SPOP: variants seen among roughly 807,000 people sequenced by gnomAD.
SPOP encodes speckle-type POZ protein.
A neutral mutation model predicts 45.6 loss-of-function variants in SPOP; 11 were observed. The observed-to-expected ratio is 0.24, with a 90% CI of 0.15 to 0.40. The LOEUF (loss-of-function observed/expected upper bound fraction) is 0.40, where lower values mean the gene tolerates loss of function less well. Among genes scored for constraint, SPOP ranks in the 10% least tolerant of loss-of-function variants. The pLI is 1.00. For synonymous variants in SPOP, 166 were observed against 166.3 expected (o/e 1.00, Z 0.01); for missense variants, 152 against 465.6 (o/e 0.33, Z 6.20).
rs560993654 is a variant in SPOP at position 49,653,348 on chromosome 17, A to AT, written c.-67+24584dup. ...CCCTCTCTAAAGCCTTTAGAGAGGG[A>AT]TTTTTTATATCCTCAAAACAAACAA... is the stretch of plus-strand genomic sequence containing the variant. On this transcript the variant is annotated intron_variant, in intron 1 of 9. Transcript: ENST00000504102. Among the ~76,000 whole-genome samples, 333 of 152,056 alleles carry AT rather than the reference A, an allele frequency of 2.2e-3. 2 individuals are homozygous for AT. Among genetic ancestry groups the AT allele is most frequent in the Middle Eastern group, 0.01 (3 of 294 alleles).
chr17:49,659,395 G>C (rs968669217), intron 1 of SPOP, among the ~76,000 whole-genome samples: 1 of 152,140 alleles, frequency 6.6e-6, no homozygotes, highest in Non-Finnish European at 1.5e-5. Context: ...CGACAGCTTC[G>C]TATCTGCTAA....
chr17:49,627,402 G>C (rs1001353209), intron 1 of SPOP, among the ~76,000 whole-genome samples: 6 of 152,166 alleles, frequency 3.9e-5, no homozygotes, highest in Admixed American at 3.3e-4. Context: ...GTATAAATGA[G>C]CTAGTTTTAC....
intron 1 of SPOP, among the ~76,000 whole-genome samples, chr17:49,667,555 T>C (rs745593175): frequency 3.3e-5 from 5 of 152,058 alleles, no homozygotes; most frequent in Admixed American, 6.6e-5. Flanking sequence ...CACCACTGCC[T>C]ACCAGCCTAG....
chr17:49,621,908 T>G (rs372376933), intron 3 of SPOP, 38 bp downstream of exon 3: 10 of 1,606,052 alleles, frequency 6.2e-6, no homozygotes, highest in Non-Finnish European at 6.0e-6. Flanking sequence ...ACAGACAACT[T>G]CAGAAAAATT....
chr17:49,600,371 C>T lies in SPOP; in HGVS notation c.*7G>A. ...AAATTAAACGGAGTCTTACAACAAGCAGGATCTTAGGATTGCTTCAGGCGT... is the reference window on the plus strand; with the variant it reads ...AAATTAAACGGAGTCTTACAACAAGTAGGATCTTAGGATTGCTTCAGGCGT... On this transcript the variant is annotated 3_prime_UTR_variant, in exon 10 of 10. Coordinates refer to ENST00000504102, the MANE Select transcript of SPOP (RefSeq NM_001007228.2). The surrounding 1 kb of genome is among the most constrained non-coding windows in gnomAD (Gnocchi z 4.2). The T allele has an allele frequency of 1.2e-6, 2 of 1,613,862 alleles. No individual in the cohort carries two copies. The highest frequency in any genetic ancestry group is 1.7e-6 in the Non-Finnish European group (2 of 1,179,946).
chr17:49,677,586 A>G (rs938336278), intron 1 of SPOP, among the ~76,000 whole-genome samples: 1 of 152,124 alleles, frequency 6.6e-6, no homozygotes, highest in Non-Finnish European at 1.5e-5. Context: ...GGGGCAGCGA[A>G]GAAGCAGCCC....
intron 5 of SPOP, among the ~76,000 whole-genome samples, chr17:49,612,388 C>T (rs970067276): frequency 1.2e-4 from 19 of 152,196 alleles, no homozygotes; most frequent in African/African-American, 4.6e-4. Flanking sequence ...GTATCCCACA[C>T]TTTTATACCT....
Position 49,600,234 on chromosome 17 carries a change from T to C in SPOP, c.*144A>G. The stretch of plus-strand genomic sequence containing the variant: ...TCCCCCAAGTTATTTAGTGCTGTTT[T>C]AAAAGTCTGGGGCCACAATGCAGTC... On this transcript the variant is annotated 3_prime_UTR_variant, in exon 10 of 10. Coordinates refer to ENST00000504102, the MANE Select transcript of SPOP (RefSeq NM_001007228.2). The surrounding 1 kb of genome is among the most constrained non-coding windows in gnomAD (Gnocchi z 4.2). 1 of 1,114,668 alleles carries C rather than the reference T, an allele frequency of 9.0e-7. No individual in the cohort carries two copies. Among genetic ancestry groups the C allele is most frequent in the Non-Finnish European group, 1.3e-6 (1 of 773,378 alleles). 69.0% of individuals were successfully genotyped at this position (1,114,668 alleles called of 1,614,324 possible).
intron 1 of SPOP, among the ~76,000 whole-genome samples, chr17:49,642,158 G>T (rs940512097): frequency 6.6e-6 from 1 of 151,974 alleles, no homozygotes; most frequent in African/African-American, 2.4e-5. Context: ...CAATATGTAG[G>T]ATAAAGATTG....
intron 1 of SPOP, among the ~76,000 whole-genome samples, chr17:49,674,518 T>C (rs374134645): frequency 1.2e-4 from 18 of 152,340 alleles, no homozygotes; most frequent in African/African-American, 4.1e-4. Flanking sequence ...CACAGACATA[T>C]TTAATTATTT....
chr17:49,638,658 C>A (rs567485959), intron 1 of SPOP, among the ~76,000 whole-genome samples: 2 of 152,118 alleles, frequency 1.3e-5, no homozygotes, highest in Non-Finnish European at 2.9e-5. Flanking sequence ...AAATAAGCTT[C>A]TCTTAGACTA....
intron 1 of SPOP, among the ~76,000 whole-genome samples, chr17:49,669,008 C>A (rs2073101194): frequency 6.6e-6 from 1 of 151,916 alleles, no homozygotes; most frequent in South Asian, 2.1e-4. Context: ...GATCTCCTGA[C>A]CTCGTGATCC....
intron 1 of SPOP, among the ~76,000 whole-genome samples, chr17:49,627,822 C>T (rs2072368000): frequency 6.6e-6 from 1 of 152,082 alleles, no homozygotes. Flanking sequence ...TTCCCTTCTT[C>T]TAATTTTTAA....
rs1264873081 is a variant in SPOP at position 49,645,804 on chromosome 17, T to C, written c.-66-22928A>G. Among the ~76,000 whole-genome samples the C allele has an allele frequency of 2.6e-5, 4 of 152,208 alleles. No individual in the cohort carries two copies. The East Asian group carries it at 5.8e-4, about 22-fold the overall frequency. On this transcript the variant is annotated intron_variant, in intron 1 of 9. Coordinates refer to ENST00000504102, the MANE Select transcript of SPOP (RefSeq NM_001007228.2). Reference sequence around the variant, plus strand: ...TTTGCCTTCTTGAATTCACTTAAGCTTTTTTTCCCCTTCTTTCAAACATGT... The same window carrying C: ...TTTGCCTTCTTGAATTCACTTAAGCCTTTTTTCCCCTTCTTTCAAACATGT...
intron 1 of SPOP, among the ~76,000 whole-genome samples, chr17:49,668,536 G>A (rs1344908641): frequency 6.6e-6 from 1 of 152,076 alleles, no homozygotes; most frequent in Non-Finnish European, 1.5e-5. Context: ...TTACCTCTAA[G>A]GAGGGAGGGA....
At chr17:49,621,330 T>C (rs1165761082) in intron 3 of SPOP, among the ~76,000 whole-genome samples, 1 of 152,146 alleles carries the variant, frequency 6.6e-6, no homozygotes, top group African/African-American at 2.4e-5. Context: ...AAGCCAGACC[T>C]GAGATGTCCA....
chr17:49,626,452 T>C (rs969320104), intron 1 of SPOP, among the ~76,000 whole-genome samples: 5 of 152,148 alleles, frequency 3.3e-5, no homozygotes, highest in Non-Finnish European at 5.9e-5. Flanking sequence ...CCCAGCACTT[T>C]GGGAAGCCAA....
At chr17:49,622,631 C>T (rs2072242893) in intron 2 of SPOP, 102 bp downstream of exon 2, 2 of 1,003,108 alleles carry the variant, frequency 2.0e-6, no homozygotes, top group East Asian at 4.8e-5. Flanking sequence ...CAGTTATGTT[C>T]CAGAGAAAGC....
At chr17:49,630,024 T>C (rs189945496) in intron 1 of SPOP, among the ~76,000 whole-genome samples, 1 of 152,308 alleles carries the variant, frequency 6.6e-6, no homozygotes, top group Non-Finnish European at 1.5e-5. Flanking sequence ...GACCAGAGAA[T>C]GGTCTGTTAG....
Sources: gnomAD v4.1 joint callset for allele counts (sites outside exome capture counted in the v4.1 genomes callset) on GRCh38, gnomAD v4.1.1 for gene constraint, Gnocchi (gnomAD v3.1) non-coding constraint, MANE v1.5 for transcripts, NCBI Gene and HGNC (gene_info 2026-07-23, HGNC 2026-07-21) for gene names.